The following F5 variants were observed in gnomAD, a reference collection of about 807,000 sequenced individuals.
F5 encodes coagulation factor V.
Under a neutral mutation model 216.4 loss-of-function variants are expected in F5, and 138 were observed. The observed-to-expected ratio is 0.64, with a 90% confidence interval of 0.56 to 0.73. The LOEUF is 0.73. Among genes scored for constraint, F5 ranks in the 30% least tolerant of loss-of-function variants. F5 has a pLI of 0.00. For synonymous variants in F5, 916 were observed against 930.7 expected (o/e 0.98, Z 0.29); for missense variants, 2,403 against 2,674.0 (o/e 0.90, Z 2.24).
chr1:169,558,081 A>G lies in F5; in HGVS notation c.730+1072T>C, dbSNP rs1046363915. ...TATGGTTTTGCTTTTCTTGGCATCC[A>G]TATACTTATACAGATTGTTCACTCT... On this transcript the variant is annotated intron_variant, in intron 5 of 24. Transcript: ENST00000367797. Among the ~76,000 whole-genome samples, 17 of 152,296 alleles carry G rather than the reference A, an allele frequency of 1.1e-4. 1 individual carries two copies. In the Middle Eastern group the frequency reaches 0.014, roughly 122 times the overall value.
At chr1:169,522,769 CT>C (rs1659340317) in intron 21 of F5, among the ~76,000 whole-genome samples, 1 of 152,102 alleles carries the variant, frequency 6.6e-6, no homozygotes, top group African/African-American at 2.4e-5. Context: ...GCCTCAGAGG[CT>C]TACTAGCATT....
chr1:169,521,615 ATTTTTT>A (rs35651599), intron 21 of F5, among the ~76,000 whole-genome samples: 2 of 106,266 alleles, frequency 1.9e-5, no homozygotes, highest in East Asian at 4.0e-4. Flanking sequence ...CTGTGAAAAG[ATTTTTT>A]TTTTTTTTTT....
At chr1:169,548,134 A>G (rs1660057936) in intron 10 of F5, among the ~76,000 whole-genome samples, 1 of 152,188 alleles carries the variant, frequency 6.6e-6, no homozygotes, top group African/African-American at 2.4e-5. Context: ...AGTGAAAGCT[A>G]AATTATGAGA....
chr1:169,516,642 C>G (rs1380847789), intron 23 of F5, among the ~76,000 whole-genome samples: 1 of 152,118 alleles, frequency 6.6e-6, no homozygotes, highest in Non-Finnish European at 1.5e-5. Flanking sequence ...CAAGGTTGTA[C>G]CAGTGATGCA....
chr1:169,585,807 A>T (rs1347871056), intron 1 of F5, among the ~76,000 whole-genome samples: 1 of 152,248 alleles, frequency 6.6e-6, no homozygotes, highest in Non-Finnish European at 1.5e-5. Context: ...AGCTATGTAG[A>T]CAATGGAATA....
rs142101089 is a variant in F5, at chr1:169,542,684, T to C, written c.2406A>G (p.Gln802=). ...TCAGTGGGGAACCAGCTGTGGTGGC[T>C]TGTTGGTGAGAAGGGGCTTTCTGAG... ...AEPQKAPSHQ[Q]ATTAGSPLRH... The change falls in exon 13 of 25, where the codon CAA becomes CAG. Residue 802 remains glutamine, a synonymous_variant. Transcript: ENST00000367797. The C allele has an allele frequency of 6.2e-6, 10 of 1,614,020 alleles. No homozygotes were observed. The African/African-American group carries it at 1.2e-4, about 19-fold the overall frequency.
chr1:169,534,008 C>T (rs933006329), intron 14 of F5, among the ~76,000 whole-genome samples: 15 of 152,236 alleles, frequency 9.9e-5, no homozygotes, highest in African/African-American at 3.6e-4. Flanking sequence ...AAAGATCGAC[C>T]CGTGACCTAA....
intron 13 of F5, 117 bp downstream of exon 13, chr1:169,540,177 G>A: frequency 8.9e-7 from 1 of 1,120,100 alleles, no homozygotes; most frequent in Non-Finnish European, 1.3e-6. Context: ...ACTTGCAATA[G>A]GGGAACCACA....
chr1:169,551,641 A>G (rs1004171775), intron 8 of F5, among the ~76,000 whole-genome samples: 12 of 152,386 alleles, frequency 7.9e-5, no homozygotes, highest in Admixed American at 1.3e-4. Flanking sequence ...TGTCAGGTGC[A>G]TAAAACACAC....
intron 16 of F5, among the ~76,000 whole-genome samples, chr1:169,528,917 T>C (rs1432185090): frequency 3.3e-5 from 5 of 152,168 alleles, no homozygotes; most frequent in African/African-American, 4.8e-5. Context: ...TTGAGATCAT[T>C]TGGGCATCCT....
chr1:169,518,596 C>T (rs886141992), intron 22 of F5, 33 bp from the exon 23 acceptor site: 4 of 1,611,090 alleles, frequency 2.5e-6, no homozygotes, highest in African/African-American at 2.7e-5. Context: ...ATTAATTACA[C>T]ACCAATATTC....
At position 169,518,476 on chromosome 1, in the gene F5, T is replaced by A; in HGVS notation, c.6281A>T (p.Asp2094Val). The change falls in exon 23 of 25, where the codon GAT becomes GTT. Residue 2094 changes from aspartate (D) to valine (V), a missense_variant. Around this residue, in one of 4 missense-constraint regions of F5, gnomAD observed 659 missense variants for 787.9 expected, o/e 0.84. Transcript: ENST00000367797. Reference protein sequence around the residue: ...ASSFKKSWWGDYWEPFRARLN... With the variant: ...ASSFKKSWWGVYWEPFRARLN... ...ACGGGCACGGAAGGGTTCCCAGTAA[T>A]CTCCCCACCAAGATTTCTTAAACGA... 1 of 1,613,832 alleles carries A rather than the reference T, an allele frequency of 6.2e-7. No individual in the cohort carries two copies. The highest frequency in any genetic ancestry group is 1.1e-5 in the South Asian group (1 of 91,072).
At position 169,541,917 on chromosome 1, in the gene F5, G is replaced by T. The variant is rs772368850; in HGVS notation, c.3173C>A (p.Thr1058Lys). Residue 1058 changes from threonine to lysine, a missense_variant, in exon 13 of 25, where the codon ACA (threonine) becomes AAA (lysine). Physicochemically the swap from Thr to Lys is moderately conservative, Grantham distance 78. Around this residue, in one of 4 missense-constraint regions of F5, gnomAD observed 1,425 missense variants for 1,554.8 expected, o/e 0.92. Transcript: ENST00000367797. ...ATGCTTAAGTCTTCTTTCTGAAAAT[G>T]TGTTGTAGGCTTCACTTCTTAGAGG... ...FHPLRSEAYN[T>K]FSERRLKHSL... The T allele has an allele frequency of 6.2e-7, 1 of 1,614,168 alleles. No homozygotes were observed. The highest frequency in any genetic ancestry group is 8.5e-7 in the Non-Finnish European group (1 of 1,180,008).
chr1:169,582,352 G>T, intron 2 of F5, 79 bp downstream of exon 2: 1 of 729,746 alleles, frequency 1.4e-6, no homozygotes, highest in Non-Finnish European at 2.3e-6. Context: ...TCAGTAAATG[G>T]ATATTTTAGA....
At position 169,514,355 on chromosome 1, in the gene F5, A is replaced by G; in HGVS notation, c.6633T>C (p.Ser2211=). 4 of 1,613,356 alleles carry G rather than the reference A, an allele frequency of 2.5e-6. No individual in the cohort carries two copies. Among genetic ancestry groups the G allele is most frequent in the Non-Finnish European group, 3.4e-6 (4 of 1,179,568 alleles). Reference sequence around the variant, plus strand: ...CAAAGAGTTCCAGGCGAAGTGCAATACTTTGATTCCATGTTTTAGGAATGA... The same window carrying G: ...CAAAGAGTTCCAGGCGAAGTGCAATGCTTTGATTCCATGTTTTAGGAATGA... The part of the protein sequence containing the change: ...IRVIPKTWNQ[S]IALRLELFGC... Residue 2211 remains serine, a synonymous_variant, in exon 25 of 25, where the codon AGT becomes AGC. Transcript: ENST00000367797.
intron 24 of F5, among the ~76,000 whole-genome samples, chr1:169,515,239 G>A (rs1278855057): frequency 1.3e-5 from 2 of 152,004 alleles, no homozygotes; most frequent in Non-Finnish European, 2.9e-5. Flanking sequence ...ATCCTCCTAT[G>A]AGGGCAACCT....
chr1:169,528,773 A>G (rs1163849095), intron 16 of F5, among the ~76,000 whole-genome samples: 1 of 152,214 alleles, frequency 6.6e-6, no homozygotes, highest in East Asian at 1.9e-4. Flanking sequence ...AAAACTGTAA[A>G]GATAAAGTTT....
At chr1:169,515,287 C>A (rs375153687) in intron 24 of F5, among the ~76,000 whole-genome samples, 157 bp downstream of exon 24, 3 of 152,056 alleles carry the variant, frequency 2.0e-5, no homozygotes, top group African/African-American at 7.2e-5. Context: ...AACAGACAAC[C>A]AGGAGTTTGT....
chr1:169,526,117 C>T (rs952710173), intron 17 of F5, 100 bp from the exon 18 acceptor site: 1 of 811,748 alleles, frequency 1.2e-6, no homozygotes, highest in Non-Finnish European at 2.1e-6. Flanking sequence ...TCACAAGAGG[C>T]TTTCAAATAG....
Sources: gnomAD v4.1 joint callset for allele counts (sites outside exome capture counted in the v4.1 genomes callset) on GRCh38, gnomAD v4.1.1 for gene constraint, gnomAD v4.1.1 regional missense constraint, MANE v1.5 for transcripts, NCBI Gene and HGNC (gene_info 2026-07-23, HGNC 2026-07-21) for gene names.